Variants in CCDC33 observed in about 807,000 individuals in gnomAD.
CCDC33 encodes coiled-coil domain-containing protein 33.
Under a neutral mutation model 91.9 loss-of-function variants are expected in CCDC33, and 94 were observed. The observed-to-expected ratio is 1.02, with a 90% CI of 0.87 to 1.21. CCDC33 has a LOEUF of 1.21. Among genes scored for constraint, CCDC33 ranks in the 50% most tolerant of loss-of-function variants. CCDC33 has a pLI of 0.00. For synonymous variants in CCDC33, 396 were observed against 374.5 expected (o/e 1.06, Z -0.66); for missense variants, 940 against 935.5 (o/e 1.00, Z -0.06).
intron 10 of CCDC33, among the ~76,000 whole-genome samples, chr15:74,286,214 C>A (rs537862569): frequency 2.0e-5 from 3 of 152,250 alleles, no homozygotes; most frequent in African/African-American, 7.2e-5. Flanking sequence ...CCACTGCACT[C>A]CAGCCTGGAC....
intron 11 of CCDC33, among the ~76,000 whole-genome samples, chr15:74,309,408 C>A (rs1455992564): frequency 6.6e-6 from 1 of 152,186 alleles, no homozygotes; most frequent in Non-Finnish European, 1.5e-5. Context: ...GCACAGAATG[C>A]CCTTCCTGAG....
intron 2 of CCDC33, among the ~76,000 whole-genome samples, chr15:74,227,503 A>G (rs1006606346): frequency 1.3e-5 from 2 of 152,224 alleles, no homozygotes; most frequent in African/African-American, 4.8e-5. Context: ...GCTGGCCCCA[A>G]CAATGAGTGC....
At chr15:74,308,688 C>G (rs1023780163) in intron 11 of CCDC33, among the ~76,000 whole-genome samples, 35 of 152,200 alleles carry the variant, frequency 2.3e-4, no homozygotes, top group Non-Finnish European at 1.5e-5. Context: ...CTCAGCATCT[C>G]TGGTGGCACT....
chr15:74,295,640 C>G (rs2059670616), intron 10 of CCDC33, 114 bp from the exon 11 acceptor site: 3 of 870,568 alleles, frequency 3.4e-6, no homozygotes, highest in African/African-American at 1.7e-5. Context: ...GCCAGCCATG[C>G]AGGGCCTCCT....
chr15:74,222,565 A>G (rs1457500978), intron 2 of CCDC33, among the ~76,000 whole-genome samples: 2 of 145,248 alleles, frequency 1.4e-5, no homozygotes, highest in Non-Finnish European at 3.0e-5. Flanking sequence ...CGTTTAAAAC[A>G]CCTTTTTTTC....
At chr15:74,276,201 G>A (rs949078005) in intron 7 of CCDC33, among the ~76,000 whole-genome samples, 4 of 152,206 alleles carry the variant, frequency 2.6e-5, no homozygotes, top group Admixed American at 1.3e-4. Context: ...GGCAAGGAGG[G>A]GCATGGTGGT....
At chr15:74,214,464 C>T (rs2074395148), upstream of CCDC33, among the ~76,000 whole-genome samples, 1 of 152,148 alleles carries the variant, frequency 6.6e-6, no homozygotes, top group Non-Finnish European at 1.5e-5. Context: ...TTTTTGAAAA[C>T]CGTGGGAGGC....
At chr15:74,221,537 T>A (rs1006757041) in intron 2 of CCDC33, 5 of 154,544 alleles carry the variant, frequency 3.2e-5, no homozygotes, top group African/African-American at 1.2e-4. Context: ...CCCTGAGCAA[T>A]AAAATTATGG....
intron 1 of CCDC33, among the ~76,000 whole-genome samples, chr15:74,204,163 C>T (rs2074198921): frequency 6.6e-6 from 1 of 152,220 alleles, no homozygotes; most frequent in African/African-American, 2.4e-5. Flanking sequence ...TGAACCCGAG[C>T]TTTATTTGAT....
At chr15:74,299,684 GTCCCCCAGAGACTCATAGAGTA>G in intron 11 of CCDC33, 1 of 152,328 alleles carries the variant, frequency 6.6e-6, no homozygotes, top group South Asian at 2.1e-4. Context: ...GCACCATCGG[GTCCCCCAGAGACTCATAGAGTA>G]TCCAGGGCAG....
intron 11 of CCDC33, among the ~76,000 whole-genome samples, chr15:74,311,259 T>C (rs141856524): frequency 0.038 from 5,771 of 152,032 alleles, 158 homozygotes; most frequent in Middle Eastern, 0.11. Flanking sequence ...CAGGGAGAGA[T>C]GTGGCAGGTG....
At chr15:74,320,680 A>T (rs994950551) in intron 11 of CCDC33, among the ~76,000 whole-genome samples, 3 of 151,752 alleles carry the variant, frequency 2.0e-5, no homozygotes, top group African/African-American at 7.3e-5. Context: ...CCAGGCTCCC[A>T]CCCCCAGGGC....
intron 11 of CCDC33, among the ~76,000 whole-genome samples, chr15:74,329,906 C>A (rs906158882): frequency 1.3e-5 from 2 of 152,216 alleles, no homozygotes; most frequent in Non-Finnish European, 2.9e-5. Context: ...TAGGCCTCCT[C>A]CCCTGTGTCC....
intron 1 of CCDC33, chr15:74,209,373 A>T: frequency 6.5e-7 from 1 of 1,535,340 alleles, no homozygotes; most frequent in Non-Finnish European, 8.7e-7. Flanking sequence ...ATTTGTCCCC[A>T]TCCATCACTC....
In CCDC33 at chr15:74,218,966, A is replaced by G; in HGVS notation, c.675+105A>G. On this transcript the variant is annotated intron_variant, in intron 2 of 2. Coordinates refer to the CCDC33 transcript ENST00000635913. This position sits in a 1 kb window ranked among gnomAD's most constrained non-coding sequence, Gnocchi z 4.8. Reference sequence around the variant, plus strand: ...CCCTGTCCTGAGCTGAGCTGAGCAGAGCAGCAGAGCTCCCAAGGCTGCCAT... The same window carrying G: ...CCCTGTCCTGAGCTGAGCTGAGCAGGGCAGCAGAGCTCCCAAGGCTGCCAT... 1 of 1,105,086 alleles carries G rather than the reference A, an allele frequency of 9.0e-7. No individual in the cohort carries two copies. Among genetic ancestry groups the G allele is most frequent in the Non-Finnish European group, 1.2e-6 (1 of 869,110 alleles). 68.5% of individuals were successfully genotyped at this position (1,105,086 alleles called of 1,614,324 possible). A position where few individuals can be genotyped will look rare whatever the true frequency, so the allele number is the denominator to read the frequency against.
At chr15:74,240,271 G>C (rs1365019338) in intron 1 of CCDC33, among the ~76,000 whole-genome samples, 1 of 152,248 alleles carries the variant, frequency 6.6e-6, no homozygotes, top group Non-Finnish European at 1.5e-5. Flanking sequence ...GGAGGAGCCG[G>C]TGTGACTCCT....
chr15:74,203,646 C>T (rs2074180074), intron 1 of CCDC33, among the ~76,000 whole-genome samples: 1 of 152,232 alleles, frequency 6.6e-6, no homozygotes, highest in African/African-American at 2.4e-5. Flanking sequence ...ATTGAACACA[C>T]ACTATGTGCC....
chr15:74,323,866 C>T (rs1264362420), intron 11 of CCDC33, among the ~76,000 whole-genome samples: 4 of 148,664 alleles, frequency 2.7e-5, no homozygotes, highest in Non-Finnish European at 6.0e-5. Context: ...CCAAGGTGGG[C>T]GGATCATGAG....
chr15:74,310,932 G>T (rs1429067587), intron 11 of CCDC33, among the ~76,000 whole-genome samples: 3 of 152,238 alleles, frequency 2.0e-5, no homozygotes, highest in African/African-American at 7.2e-5. Flanking sequence ...TTTGATGGCT[G>T]AAGCACTTTG....
Sources: allele counts gnomAD v4.1 joint callset (sites outside exome capture counted in the v4.1 genomes callset), GRCh38; gene constraint gnomAD v4.1.1; non-coding constraint Gnocchi (gnomAD v3.1); transcripts MANE v1.5; gene names NCBI Gene and HGNC (gene_info 2026-07-23, HGNC 2026-07-21).